DPP6: variants seen among roughly 807,000 people sequenced by gnomAD.
DPP6 encodes the protein dipeptidyl peptidase like 6, also known as A-type potassium channel modulatory protein DPP6.
Under a neutral mutation model 122.6 loss-of-function variants are expected in DPP6, and 69 were observed. That is an observed-to-expected ratio of 0.56 (90% confidence interval 0.46 to 0.69). The LOEUF is 0.69. Ranked by LOEUF, DPP6 falls within the 30% of genes least tolerant of loss-of-function variation. The pLI is 0.00. For synonymous variants in DPP6, 418 were observed against 433.1 expected, an observed-to-expected ratio of 0.97 and a Z score of 0.43; for missense variants, 928 against 1,116.9, an observed-to-expected ratio of 0.83 and a Z score of 2.41.
At chr7:153,882,663 T>C (rs978227345), upstream of DPP6, among the ~76,000 whole-genome samples, 4 of 152,224 alleles carry the variant, frequency 2.6e-5, no homozygotes, top group South Asian at 4.1e-4. Context: ...TGCATTGTGA[T>C]AGGTGTGGAC....
At chr7:154,754,428 A>G (rs1449931373) in intron 8 of DPP6, among the ~76,000 whole-genome samples, 2 of 152,230 alleles carry the variant, frequency 1.3e-5, no homozygotes, top group African/African-American at 2.4e-5. Context: ...TCACTGTCTA[A>G]TTAGGATTCT....
intron 2 of DPP6, among the ~76,000 whole-genome samples, chr7:154,471,689 G>A (rs1037422985): frequency 1.3e-5 from 2 of 151,938 alleles, no homozygotes; most frequent in Admixed American, 1.3e-4. Context: ...GAACCACAAA[G>A]CATCTTCAGA....
chr7:154,587,549 T>G (rs1832536752), intron 5 of DPP6: 1 of 1,337,464 alleles, frequency 7.5e-7, no homozygotes, highest in Non-Finnish European at 1.0e-6. Context: ...TTGATTTTTG[T>G]TTCTCGATCC....
At chr7:154,688,458 T>C (rs142027041) in intron 7 of DPP6, among the ~76,000 whole-genome samples, 1 of 152,346 alleles carries the variant, frequency 6.6e-6, no homozygotes, top group African/African-American at 2.4e-5. Flanking sequence ...TTTGTAAATG[T>C]AATTTTTAGA....
At chr7:154,502,487 C>T (rs1407693548) in intron 3 of DPP6, among the ~76,000 whole-genome samples, 4 of 152,054 alleles carry the variant, frequency 2.6e-5, no homozygotes, top group African/African-American at 7.2e-5. Flanking sequence ...CTAGTGATAG[C>T]AAATAAGTCT....
chr7:154,272,710 C>T (rs1277191928), intron 1 of DPP6, among the ~76,000 whole-genome samples: 1 of 152,162 alleles, frequency 6.6e-6, no homozygotes, highest in Non-Finnish European at 1.5e-5. Context: ...CCACGGGGGC[C>T]TCAATAGAGC....
At chr7:154,207,511 A>G (rs1042215454) in intron 1 of DPP6, among the ~76,000 whole-genome samples, 1 of 152,222 alleles carries the variant, frequency 6.6e-6, no homozygotes, top group African/African-American at 2.4e-5. Flanking sequence ...ACAGCTTATC[A>G]TTCACGGACA....
At chr7:153,859,117 T>C in the DPP6 span, among the ~76,000 whole-genome samples, 900 of 152,292 alleles carry the variant, frequency 5.9e-3, 12 homozygotes, top group South Asian at 0.028. Context: ...ACAGCAATGA[T>C]GAACAAAACC....
At chr7:154,806,860 G>A in intron 15 of DPP6, 134 bp from the exon 16 acceptor site, 1 of 1,197,688 alleles carries the variant, frequency 8.3e-7, no homozygotes, top group Non-Finnish European at 1.1e-6. Context: ...GGGAGACAGA[G>A]GGAGAGGCCC....
chr7:153,831,120 ATTAC>A, the DPP6 span, among the ~76,000 whole-genome samples: 101 of 152,362 alleles, frequency 6.6e-4, no homozygotes, highest in East Asian at 0.018. Context: ...TTTATTGTGT[ATTAC>A]TTACTATGTA....
rs1796119732 is a variant in DPP6, at chr7:154,769,580, A to T, written c.1038+9A>T. 1.3e-6 allele frequency: 2 copies of T among 1,590,520 alleles called. No homozygotes were observed. The highest frequency in any genetic ancestry group is 1.7e-6 in the Non-Finnish European group (2 of 1,165,816). On this transcript the variant is annotated intron_variant, in intron 9 of 25. Transcript: ENST00000377770. ...CCTACCACTATCCCAAGGTAGGCAA[A>T]GGGACACCGCACAGCAAATTCTTTA...
At chr7:154,612,359 C>T (rs938458215) in intron 5 of DPP6, among the ~76,000 whole-genome samples, 3 of 152,280 alleles carry the variant, frequency 2.0e-5, no homozygotes, top group Admixed American at 6.5e-5. Context: ...ATCTATTGAC[C>T]GTCTCTAATA....
At chr7:153,754,705 T>G in the DPP6 span, among the ~76,000 whole-genome samples, 1 of 152,302 alleles carries the variant, frequency 6.6e-6, no homozygotes, top group Admixed American at 6.5e-5. Context: ...TCTCTGAGGC[T>G]CATCATTTTT....
At chr7:154,430,748 T>C (rs1818285199) in intron 1 of DPP6, among the ~76,000 whole-genome samples, 1 of 152,190 alleles carries the variant, frequency 6.6e-6, no homozygotes, top group African/African-American at 2.4e-5. Flanking sequence ...CTAGAGGCTC[T>C]TTATGTTGTC....
chr7:154,194,996 C>T (rs115071799), intron 1 of DPP6, among the ~76,000 whole-genome samples: 2,195 of 152,230 alleles, frequency 0.014, 59 homozygotes, highest in African/African-American at 0.051. Flanking sequence ...ATTTTGATGA[C>T]GTCCAGTTTG....
At chr7:154,507,948 C>T (rs942995377) in intron 3 of DPP6, among the ~76,000 whole-genome samples, 4 of 140,544 alleles carry the variant, frequency 2.8e-5, no homozygotes, top group Admixed American at 2.2e-4. Context: ...GGAGGAAGAA[C>T]TTATTATTAA....
chr7:154,773,665 T>C (rs1796393816), intron 10 of DPP6, among the ~76,000 whole-genome samples: 1 of 152,200 alleles, frequency 6.6e-6, no homozygotes, highest in Non-Finnish European at 1.5e-5. Flanking sequence ...GTATAGATTC[T>C]GAAATTTCAT....
At chr7:154,462,939 T>C (rs1821421428) in intron 2 of DPP6, among the ~76,000 whole-genome samples, 1 of 143,830 alleles carries the variant, frequency 7.0e-6, no homozygotes, top group African/African-American at 2.6e-5. Flanking sequence ...TTTTTGTAGG[T>C]TGATTTTTGT....
At chr7:154,736,818 A>G (rs576743494) in intron 8 of DPP6, among the ~76,000 whole-genome samples, 18 of 152,384 alleles carry the variant, frequency 1.2e-4, no homozygotes, top group African/African-American at 4.1e-4. Flanking sequence ...GAGTTAATTC[A>G]CAGAGAGAAA....
Sources: allele counts gnomAD v4.1 joint callset (sites outside exome capture counted in the v4.1 genomes callset), GRCh38; gene constraint gnomAD v4.1.1; transcripts MANE v1.5; gene names NCBI Gene and HGNC (gene_info 2026-07-23, HGNC 2026-07-21).